The following ACOXL variants were observed in gnomAD, a reference collection of about 807,000 sequenced individuals.
ACOXL encodes the protein acyl-coenzyme A oxidase-like protein.
Under a neutral mutation model 71.9 loss-of-function variants are expected in ACOXL, and 70 were observed. The ratio of observed to expected loss-of-function variants is 0.97; its 90% confidence interval spans 0.80 to 1.19. ACOXL has a LOEUF of 1.19. Ranked by LOEUF, ACOXL falls within the 50% of genes most tolerant of loss-of-function variation. The pLI, the probability that ACOXL is intolerant of heterozygous loss-of-function variation, is 0.00. For missense variants in ACOXL, 703 were observed against 736.3 expected, an observed-to-expected ratio of 0.95 and a Z score of 0.52; for synonymous variants, 253 against 281.6, an observed-to-expected ratio of 0.90 and a Z score of 1.02.
At chr2:110,830,659 G>A (rs568664461) in intron 9 of ACOXL, among the ~76,000 whole-genome samples, 31 of 151,852 alleles carry the variant, frequency 2.0e-4, no homozygotes, top group African/African-American at 7.2e-4. Context: ...TCAGCCTCCC[G>A]AGTAGCTGGG....
chr2:110,927,840 C>T (rs3789131), intron 11 of ACOXL, among the ~76,000 whole-genome samples: 41,611 of 152,080 alleles, frequency 0.27, 6,585 homozygotes, highest in Non-Finnish European at 0.35. Flanking sequence ...GCCTTTAAAT[C>T]ATGTGATCAT....
chr2:110,987,281 C>T, intron 13 of ACOXL, 64 bp downstream of exon 13: 2 of 1,422,014 alleles, frequency 1.4e-6, no homozygotes, highest in East Asian at 2.5e-5. Context: ...TGAGTTCATA[C>T]AGCCTTGGCA....
At chr2:110,945,333 C>G (rs1466962372) in intron 12 of ACOXL, among the ~76,000 whole-genome samples, 1 of 145,300 alleles carries the variant, frequency 6.9e-6, no homozygotes, top group African/African-American at 2.5e-5. Context: ...TGCAAATGCT[C>G]TTTCATGTAA....
At chr2:111,021,313 C>A (rs536920853) in intron 14 of ACOXL, among the ~76,000 whole-genome samples, 1 of 152,342 alleles carries the variant, frequency 6.6e-6, no homozygotes, top group East Asian at 1.9e-4. Flanking sequence ...CTGGGCACTT[C>A]TCTTTCTCCG....
intron 9 of ACOXL, among the ~76,000 whole-genome samples, chr2:110,808,170 G>C (rs1485137543): frequency 1.3e-5 from 2 of 152,200 alleles, no homozygotes; most frequent in East Asian, 1.9e-4. Flanking sequence ...GCCTGTGCTG[G>C]GAGGCTGGGA....
intron 12 of ACOXL, chr2:110,963,805 T>C (rs2061812599): frequency 2.0e-6 from 3 of 1,537,494 alleles, no homozygotes; most frequent in Non-Finnish European, 2.7e-6. Flanking sequence ...CCTTCTTTAA[T>C]TGGCAGGTGC....
intron 9 of ACOXL, among the ~76,000 whole-genome samples, chr2:110,811,785 A>ACACACACACG (rs1225876415): frequency 8.6e-4 from 128 of 149,062 alleles, no homozygotes; most frequent in Non-Finnish European, 1.3e-3. Context: ...ACACACACAC[A>ACACACACACG]CGCGGGGAGG....
chr2:110,999,438 T>G (rs763570874), intron 14 of ACOXL, among the ~76,000 whole-genome samples: 5 of 152,112 alleles, frequency 3.3e-5, no homozygotes, highest in African/African-American at 9.7e-5. Flanking sequence ...AATATTAATC[T>G]TATCAAAAGC....
At chr2:110,963,155 A>C (rs1042865756) in intron 12 of ACOXL, among the ~76,000 whole-genome samples, 2 of 152,190 alleles carry the variant, frequency 1.3e-5, no homozygotes, top group Non-Finnish European at 2.9e-5. Flanking sequence ...ATTAAGATGC[A>C]GAGTGGCAAT....
intron 11 of ACOXL, among the ~76,000 whole-genome samples, chr2:110,928,680 AT>A (rs1341511718): frequency 6.6e-6 from 1 of 152,156 alleles, no homozygotes; most frequent in African/African-American, 2.4e-5. Flanking sequence ...TGGGTTCCTG[AT>A]ATTGTTTGGC....
At chr2:110,963,652 G>A (rs781606253) in intron 12 of ACOXL, 1 of 1,611,758 alleles carries the variant, frequency 6.2e-7, no homozygotes, top group African/African-American at 1.3e-5. Flanking sequence ...CGAATCTCAG[G>A]CTTAAAGTGT....
chr2:111,088,646 G>T (rs962226844), intron 16 of ACOXL, among the ~76,000 whole-genome samples: 2 of 152,130 alleles, frequency 1.3e-5, no homozygotes, highest in African/African-American at 4.8e-5. Context: ...TGCAGGGTGG[G>T]AAGAGGGAGA....
intron 10 of ACOXL, among the ~76,000 whole-genome samples, chr2:110,897,796 A>G (rs1234000948): frequency 1.3e-5 from 2 of 152,214 alleles, no homozygotes; most frequent in Non-Finnish European, 2.9e-5. Context: ...AATATCAGTG[A>G]ACAAAGAAAT....
chr2:110,987,304 G>C, intron 13 of ACOXL, 87 bp downstream of exon 13: 3 of 1,270,622 alleles, frequency 2.4e-6, no homozygotes, highest in Non-Finnish European at 3.3e-6. Context: ...ACTCACTCTT[G>C]CTTGAAATTT....
intron 12 of ACOXL, among the ~76,000 whole-genome samples, chr2:110,985,457 A>G (rs2149543110): frequency 6.6e-6 from 1 of 152,314 alleles, no homozygotes; most frequent in African/African-American, 2.4e-5. Context: ...AAGGAAACCA[A>G]AGGCAAGTTA....
At chr2:110,910,960 T>C (rs1574085636) in intron 11 of ACOXL, among the ~76,000 whole-genome samples, 1 of 152,332 alleles carries the variant, frequency 6.6e-6, no homozygotes, top group East Asian at 1.9e-4. Flanking sequence ...TAATTTATCC[T>C]TTTCTTGTTT....
In ACOXL at chr2:111,052,009, C is replaced by G. The variant is rs1404256178; in HGVS notation, c.1440+2721C>G. ...ACCTTGCCTAACCTGAGAAGATGCT[C>G]TATAGACAGACTGCCAAGAAGATGC... On this transcript the variant is annotated intron_variant, in intron 16 of 17. Coordinates refer to ENST00000439055, the MANE Select transcript of ACOXL (RefSeq NM_001142807.4). Among the ~76,000 whole-genome samples the G allele has an allele frequency of 2.6e-5, 4 of 152,108 alleles. No homozygotes were observed. The South Asian group carries it at 6.2e-4, about 24-fold the overall frequency.
chr2:110,853,995 TA>T, intron 10 of ACOXL, among the ~76,000 whole-genome samples: 1 of 151,908 alleles, frequency 6.6e-6, no homozygotes, highest in African/African-American at 2.4e-5. Flanking sequence ...TTCCATGGAC[TA>T]AATGAGGGTA....
chr2:110,971,989 G>C (rs1260316798), intron 12 of ACOXL, among the ~76,000 whole-genome samples: 2 of 152,166 alleles, frequency 1.3e-5, no homozygotes, highest in Non-Finnish European at 2.9e-5. Context: ...TTAATTGGAA[G>C]CTCTAGCTTG....
Sources: allele counts gnomAD v4.1 joint callset (sites outside exome capture counted in the v4.1 genomes callset), GRCh38; gene constraint gnomAD v4.1.1; transcripts MANE v1.5; gene names NCBI Gene and HGNC (gene_info 2026-07-23, HGNC 2026-07-21).